C7: variants seen among roughly 807,000 people sequenced by gnomAD.
The protein encoded by C7 is complement component C7.
C7 carries 83 observed loss-of-function variants against 104.8 expected under a neutral mutation model. The observed-to-expected ratio is 0.79, with a 90% CI of 0.66 to 0.95. The LOEUF (loss-of-function observed/expected upper bound fraction) is 0.95. Among genes scored for constraint, C7 ranks in the 40% least tolerant of loss-of-function variants. The pLI, the probability that C7 is intolerant of heterozygous loss-of-function variation, is 0.00. For missense variants in C7, 1,070 were observed against 1,011.2 expected (o/e 1.06, Z -0.79); for synonymous variants, 415 against 360.6 (o/e 1.15, Z -1.71).
At chr5:40,972,798 T>G (rs1035993184) in intron 15 of C7, among the ~76,000 whole-genome samples, 1 of 152,238 alleles carries the variant, frequency 6.6e-6, no homozygotes, top group Non-Finnish European at 1.5e-5. Flanking sequence ...AAGGCAAGGA[T>G]AGCCTGGTGA....
chr5:40,965,894 T>C (rs1740540563), intron 14 of C7, among the ~76,000 whole-genome samples: 2 of 151,742 alleles, frequency 1.3e-5, no homozygotes, highest in South Asian at 4.1e-4. Flanking sequence ...CCACCCATCT[T>C]GGCCTCTTAG....
At chr5:40,955,659 G>A in intron 10 of C7, 106 bp downstream of exon 10, 2 of 920,720 alleles carry the variant, frequency 2.2e-6, no homozygotes, top group Non-Finnish European at 3.2e-6. Context: ...GCTGTAATTA[G>A]CATTTTCCGT....
chr5:40,928,488 ACC>A, intron 1 of C7, 90 bp from the exon 2 acceptor site: 1 of 717,308 alleles, frequency 1.4e-6, no homozygotes, highest in Non-Finnish European at 2.3e-6. Context: ...ATCACTTTGT[ACC>A]CCATAAATTT....
chr5:40,940,656 T>A (rs1381798365), intron 6 of C7, among the ~76,000 whole-genome samples: 1 of 152,232 alleles, frequency 6.6e-6, no homozygotes, highest in Non-Finnish European at 1.5e-5. Context: ...TAAATCTACC[T>A]TGTTAAAGGA....
intron 3 of C7, among the ~76,000 whole-genome samples, chr5:40,932,087 A>G (rs1454081637): frequency 6.6e-6 from 1 of 152,180 alleles, no homozygotes; most frequent in East Asian, 1.9e-4. Context: ...AACAAATTAT[A>G]TAACAGCATT....
chr5:40,975,366 C>CTT (rs1162765793), intron 15 of C7, among the ~76,000 whole-genome samples: 1 of 142,012 alleles, frequency 7.0e-6, no homozygotes. Flanking sequence ...GAGAAGTGTG[C>CTT]TTTTTTTTTT....
rs1741010570 is a variant in C7 at position 40,984,071 on chromosome 5, T to C, written c.*2498T>C. 6.6e-6 allele frequency among the ~76,000 whole-genome samples: 1 copy of C among 152,192 alleles called. No individual in the cohort carries two copies. Among genetic ancestry groups the C allele is most frequent in the Non-Finnish European group, 1.5e-5 (1 of 68,028 alleles). ...ACTCATGAGGACGCTACAAGTTACC[T>C]GGGCAGAGAAGGTGCCTGAGAATAT... On this transcript the variant is annotated 3_prime_UTR_variant, in exon 18 of 18. Transcript: ENST00000313164.
chr5:40,980,573 G>A (rs757071955), intron 17 of C7, among the ~76,000 whole-genome samples: 22 of 152,224 alleles, frequency 1.4e-4, no homozygotes, highest in Non-Finnish European at 2.5e-4. Flanking sequence ...TCCCCCAAGA[G>A]CACAGCAAAC....
At chr5:40,932,329 C>T (rs1308288774) in intron 3 of C7, among the ~76,000 whole-genome samples, 1 of 151,978 alleles carries the variant, frequency 6.6e-6, no homozygotes, top group African/African-American at 2.4e-5. Flanking sequence ...ATAAAGAAAA[C>T]TTTAATAAAC....
At chr5:40,955,660 C>T in intron 10 of C7, 107 bp downstream of exon 10, 1 of 893,290 alleles carries the variant, frequency 1.1e-6, no homozygotes, top group Non-Finnish European at 1.7e-6. Context: ...CTGTAATTAG[C>T]ATTTTCCGTA....
chr5:40,963,790 T>C (rs1226148880), intron 13 of C7, among the ~76,000 whole-genome samples: 1 of 152,144 alleles, frequency 6.6e-6, no homozygotes, highest in Non-Finnish European at 1.5e-5. Context: ...CCTGCCATTA[T>C]AGGTTAGTGA....
chr5:40,927,678 T>G (rs902922524), intron 1 of C7, among the ~76,000 whole-genome samples: 18 of 151,944 alleles, frequency 1.2e-4, no homozygotes, highest in African/African-American at 4.3e-4. Context: ...GGCCAATAGA[T>G]ACGTAAAAAA....
At chr5:40,932,644 A>T (rs937469972) in intron 3 of C7, among the ~76,000 whole-genome samples, 1 of 152,338 alleles carries the variant, frequency 6.6e-6, no homozygotes, top group Admixed American at 6.5e-5. Context: ...AAGTATAATA[A>T]ATAACAGCTC....
chr5:40,958,717 G>C (rs1330249294), intron 11 of C7, among the ~76,000 whole-genome samples: 1 of 152,142 alleles, frequency 6.6e-6, no homozygotes, highest in Non-Finnish European at 1.5e-5. Context: ...TGTATATGGT[G>C]CTTCAAGCAC....
chr5:40,952,153 G>C (rs148091075), intron 9 of C7, among the ~76,000 whole-genome samples: 13 of 152,202 alleles, frequency 8.5e-5, no homozygotes, highest in Non-Finnish European at 1.6e-4. Flanking sequence ...CAAACACAGG[G>C]CACCTACTGT....
At position 40,955,402 on chromosome 5, in the gene C7, T is replaced by G; in HGVS notation, c.1109T>G (p.Val370Gly). ...LKAASGTQNN[V>G]LRGEPFIRGG... ...TTCTGTATAGGAACCCAGAACAATG[T>G]ATTGCGAGGAGAACCGTTCATCAGA... The change falls in exon 10 of 18, where the codon GTA (valine) becomes GGA (glycine). Residue 370 changes from valine to glycine, a missense_variant. Val to Gly is a moderately radical substitution (Grantham distance 109). Coordinates refer to ENST00000313164, the MANE Select transcript of C7 (RefSeq NM_000587.4). 1 of 1,608,788 alleles carries G rather than the reference T, an allele frequency of 6.2e-7. No individual in the cohort carries two copies. Among genetic ancestry groups the G allele is most frequent in the Non-Finnish European group, 8.5e-7 (1 of 1,178,018 alleles).
intron 2 of C7, among the ~76,000 whole-genome samples, chr5:40,929,727 A>G (rs1364032726): frequency 6.6e-6 from 1 of 152,222 alleles, no homozygotes; most frequent in East Asian, 1.9e-4. Flanking sequence ...GAATGTGAGC[A>G]TTTTATGAGA....
In C7 at chr5:40,937,678, C is replaced by T; in HGVS notation, c.555C>T (p.Ser185=). 6.3e-7 allele frequency: 1 copy of T among 1,586,854 alleles called. No individual in the cohort carries two copies. The highest frequency in any genetic ancestry group is 8.6e-7 in the Non-Finnish European group (1 of 1,165,018). Residue 185 remains serine (S), a synonymous_variant, in exon 6 of 18, where the codon TCC becomes TCT. Coordinates refer to ENST00000313164, the MANE Select transcript of C7 (RefSeq NM_000587.4). The part of the protein sequence containing the change: ...DFYRLSGNVL[S]YTFQVKINND... ...ACAGGCTGAGTGGAAATGTCCTGTC[C>T]TATACATTCCAGGTACTTACGACGT...
chr5:40,958,650 T>C (rs1374428973), intron 11 of C7, among the ~76,000 whole-genome samples: 1 of 152,228 alleles, frequency 6.6e-6, no homozygotes, highest in African/African-American at 2.4e-5. Context: ...CTATTCTGTG[T>C]GATGTACTAT....
Sources: gnomAD v4.1 joint callset for allele counts (sites outside exome capture counted in the v4.1 genomes callset) on GRCh38, gnomAD v4.1.1 for gene constraint, MANE v1.5 for transcripts, NCBI Gene and HGNC (gene_info 2026-07-23, HGNC 2026-07-21) for gene names.